The following DMD variants were observed in gnomAD, a reference collection of about 807,000 sequenced individuals.
DMD encodes dystrophin.
Under a neutral mutation model 330.1 loss-of-function variants are expected in DMD, and 63 were observed. The ratio of observed to expected loss-of-function variants is 0.19; its 90% confidence interval spans 0.16 to 0.24. The LOEUF (loss-of-function observed/expected upper bound fraction) is 0.24. DMD is among the 10% of genes least tolerant of loss of function. The pLI is 1.00. For missense variants in DMD, 3,344 were observed against 2,684.1 expected, an observed-to-expected ratio of 1.25 and a Z score of -5.43; for synonymous variants, 1,223 against 959.8, an observed-to-expected ratio of 1.27 and a Z score of -5.07.
At chrX:32,554,596 T>A (rs1019080054) in intron 16 of DMD, among the ~76,000 whole-genome samples, 9 of 108,900 alleles carry the variant, frequency 8.3e-5, no homozygotes, top group Non-Finnish European at 1.5e-4. Context: ...AATAGATCAA[T>A]AATGCGTTCT....
intron 62 of DMD, chrX:31,261,793 A>G (rs1342269894): frequency 1.8e-5 from 2 of 112,304 alleles, no homozygotes; most frequent in African/African-American, 6.5e-5. Flanking sequence ...CCCTGGAGAA[A>G]TAACTACATA....
At chrX:32,224,076 T>A (rs1192266421) in intron 43 of DMD, among the ~76,000 whole-genome samples, 1 of 111,501 alleles carries the variant, frequency 9.0e-6, no homozygotes. Flanking sequence ...TCTGAAAGAT[T>A]TGTAGGAATT....
At chrX:32,980,907 GA>G (rs1210715892) in intron 2 of DMD, among the ~76,000 whole-genome samples, 2 of 111,442 alleles carry the variant, frequency 1.8e-5, no homozygotes, top group Non-Finnish European at 3.8e-5. Context: ...TTTGCCTAGT[GA>G]CATCCATTAG....
intron 45 of DMD, among the ~76,000 whole-genome samples, chrX:31,951,334 C>A (rs2095176547): frequency 9.4e-6 from 1 of 106,048 alleles, no homozygotes; most frequent in African/African-American, 3.4e-5. Context: ...GGTATTATAT[C>A]AACCTTCAGA....
At chrX:32,817,111 C>A (rs936898046) in intron 5 of DMD, among the ~76,000 whole-genome samples, 19 of 111,886 alleles carry the variant, frequency 1.7e-4, no homozygotes, top group East Asian at 1.7e-3. Flanking sequence ...TGCTTAACCT[C>A]TTCTAGGCCT....
At chrX:31,184,989 A>G (rs1377607804) in intron 67 of DMD, among the ~76,000 whole-genome samples, 6 of 93,686 alleles carry the variant, frequency 6.4e-5, no homozygotes, top group Admixed American at 1.1e-4. Context: ...GGGGAGGGAT[A>G]GCATTAGGAG....
chrX:32,511,654 A>C (rs938931473), intron 18 of DMD, among the ~76,000 whole-genome samples: 3 of 110,646 alleles, frequency 2.7e-5, no homozygotes. Flanking sequence ...GTTCATAAAA[A>C]TACCTCTGCC....
chrX:31,751,980 G>A (rs1276578696), intron 51 of DMD, among the ~76,000 whole-genome samples: 1 of 111,865 alleles, frequency 8.9e-6, no homozygotes, highest in Non-Finnish European at 1.9e-5. Flanking sequence ...GAGCCTGCCT[G>A]CATTTCTTGG....
Position 33,206,908 on chromosome X carries a change from G to A in DMD, c.31+4374C>T, listed in dbSNP as rs1250853337. On this transcript the variant is annotated intron_variant, in intron 1 of 78. Transcript: ENST00000357033. ...TTTAAGTTCAGGGCTACAAGTGCAG[G>A]TTTGTTACATAGGTAAACTTGTGCC... is the stretch of plus-strand genomic sequence containing the variant. Among the ~76,000 whole-genome samples the A allele has an allele frequency of 1.1e-4, 12 of 109,956 alleles. No homozygotes were observed. In the Admixed American group the frequency reaches 1.2e-3, roughly 11 times the overall value.
At chrX:31,470,923 A>G (rs1281310839) in intron 59 of DMD, among the ~76,000 whole-genome samples, 1 of 111,824 alleles carries the variant, frequency 8.9e-6, no homozygotes. Flanking sequence ...CCCAGTTAGA[A>G]CTTCTTGACG....
chrX:31,485,830 A>G (rs1297949378), intron 57 of DMD, among the ~76,000 whole-genome samples: 1 of 112,061 alleles, frequency 8.9e-6, no homozygotes. Flanking sequence ...GAAATGGTAA[A>G]TTTGTGTTTT....
In DMD at chrX:32,736,476, T is replaced by C. The variant is rs1473612863; in HGVS notation, c.650-37183A>G. Among the ~76,000 whole-genome samples, 6 of 110,511 alleles carry C rather than the reference T, an allele frequency of 5.4e-5. No homozygotes were observed. In the South Asian group the frequency reaches 1.2e-3, roughly 21 times the overall value. On this transcript the variant is annotated intron_variant, in intron 7 of 78. Transcript: ENST00000357033. Reference sequence around the variant, plus strand: ...AAAGACACATGCACACGTATGTTTATTGCGGCATTATTCACGATAGCAAAG... The same window carrying C: ...AAAGACACATGCACACGTATGTTTACTGCGGCATTATTCACGATAGCAAAG...
Position 32,135,346 on chromosome X carries a change from T to C in DMD, c.6438+81570A>G, listed in dbSNP as rs775320915. On this transcript the variant is annotated intron_variant, in intron 44 of 78. Coordinates refer to ENST00000357033, the MANE Select transcript of DMD (RefSeq NM_004006.3). ...CAGTAACAAAAGGTGTGTTTGAAAA[T>C]TCATGCTTTGGAAGAATAAATGATT... 4.4e-5 allele frequency among the ~76,000 whole-genome samples: 5 copies of C among 112,723 alleles called. No individual in the cohort carries two copies. In the Admixed American group the frequency reaches 4.7e-4, roughly 11 times the overall value.
At chrX:32,637,432 G>C (rs1356329024) in intron 11 of DMD, among the ~76,000 whole-genome samples, 3 of 111,911 alleles carry the variant, frequency 2.7e-5, no homozygotes, top group Non-Finnish European at 5.6e-5. Context: ...CTCTGAGATA[G>C]TCTATTAGTT....
intron 49 of DMD, among the ~76,000 whole-genome samples, chrX:31,835,251 CCT>C (rs950014124): frequency 7.1e-5 from 8 of 112,127 alleles, no homozygotes; most frequent in African/African-American, 2.6e-4. Context: ...TAGTGACAAA[CCT>C]TAATTCATAG....
intron 41 of DMD, among the ~76,000 whole-genome samples, chrX:32,319,361 G>A (rs774242019): frequency 1.7e-3 from 189 of 111,189 alleles, no homozygotes; most frequent in African/African-American, 6.0e-3. Flanking sequence ...AAAAATAAAT[G>A]CAGCAAAGAC....
At chrX:32,985,045 G>A (rs1422925112) in intron 2 of DMD, among the ~76,000 whole-genome samples, 2 of 112,062 alleles carry the variant, frequency 1.8e-5, no homozygotes, top group Non-Finnish European at 1.9e-5. Flanking sequence ...TTCTGAAAAC[G>A]GGTGATAAGT....
At chrX:33,070,330 T>C (rs1455251558) in intron 1 of DMD, among the ~76,000 whole-genome samples, 2 of 110,585 alleles carry the variant, frequency 1.8e-5, no homozygotes, top group Middle Eastern at 4.7e-3. Context: ...CAATAAAAAA[T>C]GTTGTCAGGG....
intron 8 of DMD, 62 bp from the exon 9 acceptor site, chrX:32,698,060 A>G: frequency 3.7e-6 from 4 of 1,095,688 alleles, no homozygotes; most frequent in South Asian, 2.0e-5. Context: ...AGTAACCCGA[A>G]AGGACTACTT....
Sources: allele counts gnomAD v4.1 joint callset (sites outside exome capture counted in the v4.1 genomes callset), GRCh38; gene constraint gnomAD v4.1.1; transcripts MANE v1.5; gene names NCBI Gene and HGNC (gene_info 2026-07-23, HGNC 2026-07-21).